The following AGBL4 variants were observed in gnomAD, a reference collection of about 807,000 sequenced individuals.
AGBL4 encodes cytosolic carboxypeptidase 6.
A neutral mutation model predicts 66.4 loss-of-function variants in AGBL4; 58 were observed. The ratio of observed to expected loss-of-function variants is 0.87; its 90% confidence interval spans 0.71 to 1.09. The LOEUF (loss-of-function observed/expected upper bound fraction) is 1.09, where lower values mean the gene tolerates loss of function less well. Ranked by LOEUF, AGBL4 falls within the 50% of genes least tolerant of loss-of-function variation. The pLI is 0.00. For missense variants in AGBL4, 579 were observed against 631.0 expected (o/e 0.92, Z 0.88); for synonymous variants, 234 against 222.9 (o/e 1.05, Z -0.44).
At chr1:49,754,375 C>T (rs1202427441) in intron 2 of AGBL4, among the ~76,000 whole-genome samples, 1 of 151,484 alleles carries the variant, frequency 6.6e-6, no homozygotes, top group Non-Finnish European at 1.5e-5. Flanking sequence ...TATACATGTG[C>T]ATGGGTGTTC....
At chr1:49,010,752 C>G (rs1454318519) in intron 5 of AGBL4, among the ~76,000 whole-genome samples, 2 of 151,486 alleles carry the variant, frequency 1.3e-5, no homozygotes, top group Admixed American at 1.3e-4. Context: ...TGATCTTTGA[C>G]AAACCTGAGA....
At chr1:49,531,505 A>C (rs1651137481) in intron 3 of AGBL4, among the ~76,000 whole-genome samples, 1 of 152,172 alleles carries the variant, frequency 6.6e-6, no homozygotes, top group African/African-American at 2.4e-5. Flanking sequence ...TGAAACAGTC[A>C]TAAACTTACA....
At chr1:49,791,929 G>A (rs1360303816) in intron 2 of AGBL4, among the ~76,000 whole-genome samples, 6 of 151,776 alleles carry the variant, frequency 4.0e-5, no homozygotes, top group Non-Finnish European at 7.4e-5. Context: ...TACACCCTAC[G>A]CCTAGCATTA....
intron 5 of AGBL4, among the ~76,000 whole-genome samples, chr1:48,875,678 G>A (rs544098023): frequency 7.2e-4 from 109 of 152,296 alleles, no homozygotes; most frequent in African/African-American, 2.5e-3. Context: ...AGGGCAAGTG[G>A]AAATAGAGAG....
intron 4 of AGBL4, among the ~76,000 whole-genome samples, chr1:49,069,336 G>A (rs560344968): frequency 6.6e-6 from 1 of 152,284 alleles, no homozygotes; most frequent in African/African-American, 2.4e-5. Context: ...TATTGCCTAG[G>A]ATTTCTTCAA....
intron 5 of AGBL4, among the ~76,000 whole-genome samples, chr1:48,994,727 A>G (rs1660870135): frequency 6.6e-6 from 1 of 152,196 alleles, no homozygotes; most frequent in Non-Finnish European, 1.5e-5. Flanking sequence ...ATGAACTCAT[A>G]AATCAAATTC....
At chr1:49,149,170 T>A (rs773163223) in intron 4 of AGBL4, among the ~76,000 whole-genome samples, 1 of 152,218 alleles carries the variant, frequency 6.6e-6, no homozygotes, top group Non-Finnish European at 1.5e-5. Context: ...TATCCTCTTC[T>A]GCTAAGTAGT....
At chr1:48,837,194 T>G (rs556742867) in intron 6 of AGBL4, among the ~76,000 whole-genome samples, 1 of 152,072 alleles carries the variant, frequency 6.6e-6, no homozygotes, top group South Asian at 2.1e-4. Flanking sequence ...AAAATATTTT[T>G]GGTGAGATGG....
intron 3 of AGBL4, among the ~76,000 whole-genome samples, chr1:49,478,801 A>G (rs2148723002): frequency 6.6e-6 from 1 of 152,214 alleles, no homozygotes; most frequent in African/African-American, 2.4e-5. Context: ...TAGACGATGC[A>G]ATAAGACATA....
chr1:49,621,053 A>T (rs1645350983), intron 3 of AGBL4, among the ~76,000 whole-genome samples: 1 of 152,164 alleles, frequency 6.6e-6, no homozygotes, highest in African/African-American at 2.4e-5. Context: ...ATTTATATGA[A>T]TGTTGTCTAT....
intron 2 of AGBL4, among the ~76,000 whole-genome samples, chr1:49,770,309 T>A (rs1298901885): frequency 6.6e-6 from 1 of 152,268 alleles, no homozygotes; most frequent in Admixed American, 6.5e-5. Flanking sequence ...ATTTTGTTGA[T>A]GTGGTATATC....
intron 2 of AGBL4, among the ~76,000 whole-genome samples, chr1:49,844,149 T>C (rs188390127): frequency 1.3e-5 from 2 of 152,314 alleles, no homozygotes; most frequent in Admixed American, 1.3e-4. Context: ...TTCCTGTTTG[T>C]GGGAAGCAGA....
At chr1:49,002,228 T>C (rs1661443764) in intron 5 of AGBL4, among the ~76,000 whole-genome samples, 1 of 152,190 alleles carries the variant, frequency 6.6e-6, no homozygotes, top group African/African-American at 2.4e-5. Flanking sequence ...ACAGTAGCCT[T>C]CTCAGAGGAG....
intron 5 of AGBL4, among the ~76,000 whole-genome samples, chr1:48,980,713 G>T (rs1659679831): frequency 1.2e-5 from 1 of 86,218 alleles, no homozygotes; most frequent in Non-Finnish European, 2.2e-5. Context: ...AAAAAGTAAA[G>T]AAGAAATATA....
At chr1:49,274,292 G>A (rs1644121522) in intron 3 of AGBL4, among the ~76,000 whole-genome samples, 1 of 152,044 alleles carries the variant, frequency 6.6e-6, no homozygotes, top group South Asian at 2.1e-4. Flanking sequence ...TAAGGCCCAA[G>A]AGAGTCCAAG....
intron 3 of AGBL4, among the ~76,000 whole-genome samples, chr1:49,530,278 A>C (rs1280855502): frequency 2.1e-5 from 3 of 145,118 alleles, no homozygotes; most frequent in Admixed American, 6.8e-5. Context: ...AAAAACAAAA[A>C]AAAACTCTAT....
At chr1:48,554,865 T>G (rs1380780754) in intron 11 of AGBL4, among the ~76,000 whole-genome samples, 1 of 152,230 alleles carries the variant, frequency 6.6e-6, no homozygotes, top group Non-Finnish European at 1.5e-5. Flanking sequence ...CTACAAGGCC[T>G]GTGGCTTGAA....
rs562601905 is a variant in AGBL4, at chr1:49,955,690, G to A, written c.34+68073C>T. ...CCTTCCTAGTTTGGAAAGAGCCTAAGGGCAATTCTGGGTAGTGAAAGTGGT... is the reference window on the plus strand; with the variant it reads ...CCTTCCTAGTTTGGAAAGAGCCTAAAGGCAATTCTGGGTAGTGAAAGTGGT... On this transcript the variant is annotated intron_variant, in intron 1 of 13. Transcript: ENST00000371839. 2.6e-5 allele frequency among the ~76,000 whole-genome samples: 4 copies of A among 151,934 alleles called. No individual in the cohort carries two copies. In the South Asian group the frequency reaches 8.3e-4, roughly 32 times the overall value.
At chr1:49,371,210 A>AAGATAGATAGATAGATATATAGAT (rs1347780044) in intron 3 of AGBL4, among the ~76,000 whole-genome samples, 1 of 149,584 alleles carries the variant, frequency 6.7e-6, no homozygotes, top group African/African-American at 2.5e-5. Context: ...AGATAGATAG[A>AAGATAGATAGATAGATATATAGAT]AGATAGATAG....
Sources: allele counts gnomAD v4.1 joint callset (sites outside exome capture counted in the v4.1 genomes callset), GRCh38; gene constraint gnomAD v4.1.1; transcripts MANE v1.5; gene names NCBI Gene and HGNC (gene_info 2026-07-23, HGNC 2026-07-21).